Variants in ZNRF2 observed in about 807,000 individuals in gnomAD.
ZNRF2 encodes E3 ubiquitin-protein ligase ZNRF2.
In ZNRF2, 16 loss-of-function variants were observed where a neutral mutation model predicts 20.4. That is an observed-to-expected ratio of 0.79 (90% CI 0.53 to 1.19). The LOEUF is 1.19. Among genes scored for constraint, ZNRF2 ranks in the 50% most tolerant of loss-of-function variants. The pLI is 0.00. For synonymous variants in ZNRF2, 178 were observed against 144.9 expected (o/e 1.23, Z -1.64); for missense variants, 363 against 332.4 (o/e 1.09, Z -0.72).
At chr7:30,345,108 T>A (rs1291510746) in intron 2 of ZNRF2, among the ~76,000 whole-genome samples, 3 of 152,188 alleles carry the variant, frequency 2.0e-5, no homozygotes, top group African/African-American at 7.2e-5. Context: ...AATATGTAGA[T>A]CTAGATCTAC....
chr7:30,288,545 TTC>T (rs1798839387), intron 1 of ZNRF2, among the ~76,000 whole-genome samples: 2 of 152,218 alleles, frequency 1.3e-5, no homozygotes, highest in African/African-American at 4.8e-5. Flanking sequence ...CGAGGAAGTT[TTC>T]TGTGTTGGTT....
chr7:30,336,816 G>C (rs1272971576), intron 2 of ZNRF2, among the ~76,000 whole-genome samples: 1 of 152,084 alleles, frequency 6.6e-6, no homozygotes, highest in African/African-American at 2.4e-5. Context: ...TGGAAATTGT[G>C]AATATAAGAG....
rs1439430476 is a variant in ZNRF2 at position 30,285,961 on chromosome 7, G to A, written c.469+135G>A. The A allele has an allele frequency of 5.3e-6, 7 of 1,321,648 alleles. No homozygotes were observed. In the African/African-American group the frequency reaches 1.1e-4, roughly 20 times the overall value. 81.9% of individuals were successfully genotyped at this position (1,321,648 alleles called of 1,614,324 possible). ...GGGGCTGCCTCCCGGACCAGCCCGCGTCGGTCTCCATCCTGGAAGAAACCC... is the reference window on the plus strand; with the variant it reads ...GGGGCTGCCTCCCGGACCAGCCCGCATCGGTCTCCATCCTGGAAGAAACCC... On this transcript the variant is annotated intron_variant, in intron 1 of 4. Coordinates refer to ENST00000323037, the MANE Select transcript of ZNRF2 (RefSeq NM_147128.4).
intron 1 of ZNRF2, among the ~76,000 whole-genome samples, chr7:30,323,316 A>T (rs1421622536): frequency 6.6e-6 from 1 of 152,224 alleles, no homozygotes; most frequent in African/African-American, 2.4e-5. Context: ...TTGTAATAAC[A>T]TGAAATCATG....
At chr7:30,316,280 C>G (rs1421062543) in intron 1 of ZNRF2, among the ~76,000 whole-genome samples, 1 of 79,226 alleles carries the variant, frequency 1.3e-5, no homozygotes, top group African/African-American at 5.6e-5. Context: ...AAGAGCGAAA[C>G]TCCATCTCAA....
intron 1 of ZNRF2, among the ~76,000 whole-genome samples, chr7:30,321,378 G>A (rs953567432): frequency 1.2e-4 from 19 of 152,046 alleles, no homozygotes; most frequent in Non-Finnish European, 2.5e-4. Flanking sequence ...TGTTTGCTCC[G>A]TGCCGTTGAT....
intron 2 of ZNRF2, among the ~76,000 whole-genome samples, chr7:30,342,802 GT>G (rs916656821): frequency 2.6e-5 from 4 of 151,646 alleles, no homozygotes; most frequent in African/African-American, 7.3e-5. Context: ...ATAAGTAGTG[GT>G]TTTTTTTAGA....
chr7:30,356,745 G>T (rs1315076328), intron 3 of ZNRF2, among the ~76,000 whole-genome samples: 2 of 110,766 alleles, frequency 1.8e-5, no homozygotes, highest in African/African-American at 7.2e-5. Flanking sequence ...TCGCTCTGTT[G>T]CCCAGGCTGG....
intron 1 of ZNRF2, among the ~76,000 whole-genome samples, chr7:30,312,733 G>C (rs879747171): frequency 6.6e-6 from 1 of 152,114 alleles, no homozygotes; most frequent in Non-Finnish European, 1.5e-5. Context: ...TTATTTGAAA[G>C]TCCTAAAGAC....
intron 2 of ZNRF2, among the ~76,000 whole-genome samples, chr7:30,349,983 T>G (rs751589931): frequency 6.6e-6 from 1 of 152,082 alleles, no homozygotes; most frequent in Admixed American, 6.6e-5. Context: ...CTTAGTTTGA[T>G]TTCATGGTTG....
In ZNRF2 at chr7:30,366,297, T is replaced by G. The variant is rs1800214333; in HGVS notation, c.*285T>G. The G allele has an allele frequency of 6.6e-6, 1 of 152,636 alleles. No homozygotes were observed. The highest frequency in any genetic ancestry group is 1.5e-5 in the Non-Finnish European group (1 of 68,014). 9.5% of individuals were successfully genotyped at this position (152,636 alleles called of 1,614,324 possible). ...ATCCCTTAATAGTCATCTACATAGG[T>G]AATACTGATAAACATTTTGTATTCA... is the stretch of plus-strand genomic sequence containing the variant. On this transcript the variant is annotated 3_prime_UTR_variant, in exon 5 of 5. Transcript: ENST00000323037.
At chr7:30,305,069 C>G (rs1181889693) in intron 1 of ZNRF2, among the ~76,000 whole-genome samples, 1 of 152,086 alleles carries the variant, frequency 6.6e-6, no homozygotes, top group Non-Finnish European at 1.5e-5. Context: ...CCTGTTGTAT[C>G]TGTGTGGTGG....
At chr7:30,332,957 C>G (rs1799658504) in intron 2 of ZNRF2, among the ~76,000 whole-genome samples, 1 of 151,998 alleles carries the variant, frequency 6.6e-6, no homozygotes, top group Admixed American at 6.6e-5. Context: ...GATCTTCATA[C>G]TGCTTTCCAC....
intron 2 of ZNRF2, among the ~76,000 whole-genome samples, chr7:30,346,109 T>C (rs935791487): frequency 6.7e-6 from 1 of 149,866 alleles, no homozygotes; most frequent in Non-Finnish European, 1.5e-5. Context: ...TACATATGAA[T>C]GCTATCTTGG....
intron 2 of ZNRF2, among the ~76,000 whole-genome samples, chr7:30,324,780 A>G (rs1799526500): frequency 6.6e-6 from 1 of 152,206 alleles, no homozygotes; most frequent in Non-Finnish European, 1.5e-5. Context: ...TTCAAAAGTA[A>G]GTAAGCATGG....
intron 2 of ZNRF2, among the ~76,000 whole-genome samples, chr7:30,349,598 T>A (rs1017670866): frequency 4.6e-5 from 7 of 151,722 alleles, no homozygotes; most frequent in Non-Finnish European, 1.0e-4. Context: ...AAAAAAAAAA[T>A]TGCTACGTAT....
intron 3 of ZNRF2, among the ~76,000 whole-genome samples, chr7:30,361,659 G>A (rs1800129095): frequency 6.6e-6 from 1 of 152,152 alleles, no homozygotes; most frequent in Non-Finnish European, 1.5e-5. Context: ...TAGAGTAGTC[G>A]TGAGCCATGT....
intron 3 of ZNRF2, among the ~76,000 whole-genome samples, chr7:30,358,811 G>A (rs1227423694): frequency 1.3e-5 from 2 of 152,198 alleles, no homozygotes; most frequent in Non-Finnish European, 2.9e-5. Context: ...CTCAGCATTT[G>A]AATCCCAGCT....
At chr7:30,359,797 A>G (rs1224410650) in intron 3 of ZNRF2, among the ~76,000 whole-genome samples, 1 of 152,192 alleles carries the variant, frequency 6.6e-6, no homozygotes, top group African/African-American at 2.4e-5. Flanking sequence ...TTTATTAGGA[A>G]TGAGCATGTC....
Sources: allele counts gnomAD v4.1 joint callset (sites outside exome capture counted in the v4.1 genomes callset), GRCh38; gene constraint gnomAD v4.1.1; transcripts MANE v1.5; gene names NCBI Gene and HGNC (gene_info 2026-07-23, HGNC 2026-07-21).